Variants in TEX55 observed in about 807,000 individuals in gnomAD.
The protein encoded by TEX55 is testis expressed 55.
A neutral mutation model predicts 44.6 loss-of-function variants in TEX55; 31 were observed. The observed-to-expected ratio is 0.69, with a 90% confidence interval of 0.52 to 0.94. The LOEUF is 0.94. Among genes scored for constraint, TEX55 ranks in the 40% least tolerant of loss-of-function variants. The pLI, the probability that TEX55 is intolerant of heterozygous loss-of-function variation, is 0.00. For synonymous variants in TEX55, 230 were observed against 230.9 expected (o/e 1.00, Z 0.04); for missense variants, 639 against 638.4 (o/e 1.00, Z -0.01).
At chr3:119,148,842 T>C (rs1377840245) in intron 2 of TEX55, among the ~76,000 whole-genome samples, 1 of 152,210 alleles carries the variant, frequency 6.6e-6, no homozygotes, top group African/African-American at 2.4e-5. Flanking sequence ...CTGTAGGCAA[T>C]TGTAACACAA....
intron 2 of TEX55, among the ~76,000 whole-genome samples, chr3:119,149,727 T>C (rs2077764912): frequency 6.6e-6 from 1 of 152,148 alleles, no homozygotes; most frequent in Non-Finnish European, 1.5e-5. Flanking sequence ...CACTAGACAA[T>C]AGGAATTTTT....
chr3:119,146,954 C>A lies in TEX55; in HGVS notation c.765C>A (p.Ser255=), dbSNP rs4077931. Reference sequence around the variant, plus strand: ...CCGTACCATCTGACCAAAGACCTTCCGTACAGATTGACCGCAGAATGTCAG... The same window carrying A: ...CCGTACCATCTGACCAAAGACCTTCAGTACAGATTGACCGCAGAATGTCAG... ...GSSVPSDQRP[S]VQIDRRMSGK... is the part of the protein sequence containing the mutation. The change falls in exon 1 of 3, where the codon TCC becomes TCA. Residue 255 remains serine, a synonymous_variant. Transcript: ENST00000295622. 6.2e-7 allele frequency: 1 copy of A among 1,613,910 alleles called. No individual in the cohort carries two copies. The highest frequency in any genetic ancestry group is 1.1e-5 in the South Asian group (1 of 91,082).
At chr3:119,147,710 ATGT>A in intron 1 of TEX55, 123 bp downstream of exon 1, 1 of 803,212 alleles carries the variant, frequency 1.2e-6, no homozygotes, top group Non-Finnish European at 1.9e-6. Context: ...ATAAACCCAC[ATGT>A]TGTGGTATGT....
chr3:119,146,846 G>A lies in TEX55; in HGVS notation c.657G>A (p.Glu219=). The change falls in exon 1 of 3, where the codon GAG becomes GAA. Residue 219 remains glutamate (E), a synonymous_variant. Transcript: ENST00000295622. ...CACACAGATTATCCAAACTATCTGAGAGAAGACCTTCTGTGCAGATTGACA... is the reference window on the plus strand; with the variant it reads ...CACACAGATTATCCAAACTATCTGAAAGAAGACCTTCTGTGCAGATTGACA... ...QITHRLSKLS[E]RRPSVQIDSG... 1 of 1,614,224 alleles carries A rather than the reference G, an allele frequency of 6.2e-7. No homozygotes were observed. The highest frequency in any genetic ancestry group is 8.5e-7 in the Non-Finnish European group (1 of 1,180,042).
At chr3:119,149,594 C>CTA (rs1357580483) in intron 2 of TEX55, among the ~76,000 whole-genome samples, 5 of 152,196 alleles carry the variant, frequency 3.3e-5, no homozygotes, top group African/African-American at 1.2e-4. Context: ...GTAGGATGTA[C>CTA]TATACATAAC....
In TEX55 at chr3:119,146,408, C is replaced by T. The variant is rs374022269; in HGVS notation, c.219C>T (p.Asn73=). Residue 73 remains asparagine, a synonymous_variant, in exon 1 of 3, where the codon AAC becomes AAT. Transcript: ENST00000295622. ...AESSIFSQAT[N]GVAEQNGHST... ...CCAGCATATTTAGCCAAGCTACCAA[C>T]GGAGTAGCTGAACAAAATGGGCATA... is the stretch of plus-strand genomic sequence containing the variant. 9 of 1,614,058 alleles carry T rather than the reference C, an allele frequency of 5.6e-6. No individual in the cohort carries two copies. The highest frequency in any genetic ancestry group is 2.2e-5 in the South Asian group (2 of 91,082).
In TEX55 at chr3:119,148,400, T is replaced by C. The variant is rs1576852258; in HGVS notation, c.1542+77T>C. On this transcript the variant is annotated intron_variant, in intron 2 of 2. Transcript: ENST00000295622. ...AAAGAGTGTATTCTGTAAAAAGGGA[T>C]ATATTCTAATTGAGAAGACAATAAG... 2.9e-6 allele frequency: 4 copies of C among 1,359,248 alleles called. No homozygotes were observed. In the East Asian group the frequency reaches 9.5e-5, roughly 32 times the overall value. The allele number at this position is 1,359,248 out of a possible 1,614,324, so 84.2% of individuals were successfully genotyped here. A position where few individuals can be genotyped will look rare whatever the true frequency, so the allele number is the denominator to read the frequency against.
rs776044066 is a variant in TEX55 at position 119,146,639 on chromosome 3, A to T, written c.450A>T (p.Leu150Phe). ...ERTAEQTERR[L>F]PTQAERRTSG... ...CTGCTGAACAGACTGAACGAAGATTACCTACCCAGGCTGAGAGAAGAACTT... is the reference window on the plus strand; with the variant it reads ...CTGCTGAACAGACTGAACGAAGATTTCCTACCCAGGCTGAGAGAAGAACTT... Residue 150 changes from leucine to phenylalanine, a missense_variant, in exon 1 of 3, where the codon TTA becomes TTT. Transcript: ENST00000295622. 15 of 1,614,154 alleles carry T rather than the reference A, an allele frequency of 9.3e-6. No individual in the cohort carries two copies. The East Asian group carries it at 3.3e-4, about 36-fold the overall frequency.
chr3:119,150,243 C>A (rs898277808), intron 2 of TEX55, among the ~76,000 whole-genome samples: 1 of 152,018 alleles, frequency 6.6e-6, no homozygotes, highest in African/African-American at 2.4e-5. Flanking sequence ...AATTAAAGAA[C>A]TACTAATTAT....
rs1241364918 is a variant in TEX55 at position 119,146,515 on chromosome 3, C to A, written c.326C>A (p.Thr109Lys). The A allele has an allele frequency of 9.9e-6, 16 of 1,613,910 alleles. No individual in the cohort carries two copies. The highest frequency in any genetic ancestry group is 2.2e-5 in the East Asian group (1 of 44,900). Residue 109 changes from threonine to lysine, a missense_variant, in exon 1 of 3, where the codon ACA (threonine) becomes AAA (lysine). Transcript: ENST00000295622. The part of the protein sequence containing the change: ...DLRADDQVNQ[T>K]PSEQTKGKAS... ...AGAGCAGATGATCAGGTTAATCAAACACCGTCTGAACAGACTAAAGGCAAG... is the reference window on the plus strand; with the variant it reads ...AGAGCAGATGATCAGGTTAATCAAAAACCGTCTGAACAGACTAAAGGCAAG...
Position 119,147,361 on chromosome 3 carries a change from A to C in TEX55, c.1172A>C (p.Gln391Pro), listed in dbSNP as rs1395384513. The change falls in exon 1 of 3, where the codon CAA (glutamine) becomes CCA (proline). Residue 391 changes from glutamine to proline, a missense_variant. Physicochemically the swap from Gln to Pro is moderately conservative, Grantham distance 76. Coordinates refer to ENST00000295622, the MANE Select transcript of TEX55 (RefSeq NM_152539.3). ...KEDKEADYRV[Q>P]PCKFEDSQVD... is the part of the protein sequence containing the mutation. ...GACAAAGAGGCTGACTACAGAGTAC[A>C]ACCCTGCAAATTTGAGGATAGCCAA... The C allele has an allele frequency of 6.2e-7, 1 of 1,614,104 alleles. No individual in the cohort carries two copies. The highest frequency in any genetic ancestry group is 8.5e-7 in the Non-Finnish European group (1 of 1,180,046).
chr3:119,146,392 T>A lies in TEX55; in HGVS notation c.203T>A (p.Phe68Tyr). 1 of 1,614,130 alleles carries A rather than the reference T, an allele frequency of 6.2e-7. No individual in the cohort carries two copies. Among genetic ancestry groups the A allele is most frequent in the South Asian group, 1.1e-5 (1 of 91,074 alleles). Reference sequence around the variant, plus strand: ...CCTAGCCAGGCTGAATCCAGCATATTTAGCCAAGCTACCAACGGAGTAGCT... The same window carrying A: ...CCTAGCCAGGCTGAATCCAGCATATATAGCCAAGCTACCAACGGAGTAGCT... ...RVPSQAESSI[F>Y]SQATNGVAEQ... is the part of the protein sequence containing the mutation. Residue 68 changes from phenylalanine to tyrosine, a missense_variant, in exon 1 of 3, where the codon TTT (phenylalanine) becomes TAT (tyrosine). Transcript: ENST00000295622.
chr3:119,146,738 AG>A lies in TEX55; in HGVS notation c.551del (p.Gly184AlafsTer121), dbSNP rs774094216. On this transcript the variant is annotated frameshift_variant, in exon 1 of 3. Coordinates refer to ENST00000295622, the MANE Select transcript of TEX55 (RefSeq NM_152539.3). LOFTEE classifies it high-confidence loss of function. The part of the protein sequence containing the change: ...GSRQTDHRMA[G>X]QSERRASEQM... ...CCAGACAGACCGACCACAGAATGGC[AG>A]GCCAGTCTGAGAGAAGAGCTTCCGA... is the stretch of plus-strand genomic sequence containing the variant. 1.2e-6 allele frequency: 2 copies of A among 1,614,158 alleles called. No individual in the cohort carries two copies. The highest frequency in any genetic ancestry group is 3.3e-5 in the Admixed American group (2 of 60,024).
chr3:119,151,426 T>C lies in TEX55; in HGVS notation c.*134T>C. On this transcript the variant is annotated 3_prime_UTR_variant, in exon 3 of 3. Transcript: ENST00000295622. ...AACATACCTGTAACTACCATTCAAG[T>C]TTTTAAAAAATAAATAAAACATAAC... 1.6e-6 allele frequency: 1 copy of C among 642,396 alleles called. No individual in the cohort carries two copies. Among genetic ancestry groups the C allele is most frequent in the Non-Finnish European group, 2.5e-6 (1 of 392,352 alleles). 39.8% of individuals were successfully genotyped at this position (642,396 alleles called of 1,614,324 possible).
At chr3:119,149,109 C>G (rs1267990409) in intron 2 of TEX55, among the ~76,000 whole-genome samples, 9 of 151,924 alleles carry the variant, frequency 5.9e-5, no homozygotes, top group African/African-American at 2.2e-4. Flanking sequence ...ACCAAATTAA[C>G]CTTAGCTTAC....
intron 2 of TEX55, among the ~76,000 whole-genome samples, 165 bp from the exon 3 acceptor site, chr3:119,151,059 T>G (rs568469064): frequency 6.6e-6 from 1 of 152,286 alleles, no homozygotes. Context: ...TGAACTATGA[T>G]AGTACCACTG....
chr3:119,150,057 A>G (rs748915634), intron 2 of TEX55, among the ~76,000 whole-genome samples: 18 of 152,190 alleles, frequency 1.2e-4, no homozygotes, highest in Non-Finnish European at 2.5e-4. Flanking sequence ...CTCAAATCCT[A>G]ACTTTGCACT....
At position 119,151,195 on chromosome 3, in the gene TEX55, A is replaced by G. The variant is rs181609589; in HGVS notation, c.1543-29A>G. 34 of 1,446,078 alleles carry G rather than the reference A, an allele frequency of 2.4e-5. No homozygotes were observed. The East Asian group carries it at 7.0e-4, about 30-fold the overall frequency. The allele number at this position is 1,446,078 out of a possible 1,614,324, so 89.6% of individuals were successfully genotyped here. A position where few individuals can be genotyped will look rare whatever the true frequency, so the allele number is the denominator to read the frequency against. On this transcript the variant is annotated intron_variant, in intron 2 of 2. Transcript: ENST00000295622. ...ACCACATAATTTTGCTCAGAACCAT[A>G]ATGTGATGCCTTATGCTCTCTTTCT...
rs775225040 is a variant in TEX55, at chr3:119,146,982, A to T, written c.793A>T (p.Lys265Ter). The T allele has an allele frequency of 3.7e-5, 59 of 1,614,066 alleles. No homozygotes were observed. The highest frequency in any genetic ancestry group is 6.6e-5 in the South Asian group (6 of 91,084). Residue 265 changes from lysine (K) to a stop codon, truncating the protein, a stop_gained, in exon 1 of 3, where the codon AAA becomes TAA. Transcript: ENST00000295622. LOFTEE classifies it high-confidence loss of function. ...SVQIDRRMSG[K>*]VRRRSSEKTD... ...ACAGATTGACCGCAGAATGTCAGGG[A>T]AAGTTAGGAGAAGAAGTTCTGAGAA...
Sources: gnomAD v4.1 joint callset for allele counts (sites outside exome capture counted in the v4.1 genomes callset) on GRCh38, gnomAD v4.1.1 for gene constraint, MANE v1.5 for transcripts, NCBI Gene and HGNC (gene_info 2026-07-23, HGNC 2026-07-21) for gene names.